Variants in PDZRN4 observed in about 807,000 individuals in gnomAD.
The protein encoded by PDZRN4 is PDZ domain containing ring finger 4, also known as PDZ domain-containing RING finger protein 4.
In PDZRN4, 70 loss-of-function variants were observed where a neutral mutation model predicts 99.0. The ratio of observed to expected loss-of-function variants is 0.71; its 90% CI spans 0.58 to 0.86. The LOEUF is 0.86. PDZRN4 is among the 40% of genes least tolerant of loss of function. PDZRN4 has a pLI of 0.00. For missense variants in PDZRN4, 1,474 were observed against 1,331.2 expected, an observed-to-expected ratio of 1.11 and a Z score of -1.67; for synonymous variants, 551 against 501.6, an observed-to-expected ratio of 1.10 and a Z score of -1.32.
At chr12:41,442,327 T>A (rs754014031) in intron 3 of PDZRN4, among the ~76,000 whole-genome samples, 6 of 152,148 alleles carry the variant, frequency 3.9e-5, no homozygotes, top group Non-Finnish European at 7.4e-5. Context: ...TATTCAAATG[T>A]CTCCTTGTGC....
At chr12:41,553,295 G>C (rs1364977527) in intron 6 of PDZRN4, among the ~76,000 whole-genome samples, 1 of 152,252 alleles carries the variant, frequency 6.6e-6, no homozygotes, top group Non-Finnish European at 1.5e-5. Context: ...GCACAAGTGA[G>C]AGTCTAAAAT....
At chr12:41,385,374 A>C (rs920682701) in intron 3 of PDZRN4, among the ~76,000 whole-genome samples, 1 of 152,190 alleles carries the variant, frequency 6.6e-6, no homozygotes, top group African/African-American at 2.4e-5. Context: ...ACATGCTATT[A>C]GCCTATTTGA....
chr12:41,298,987 A>G (rs1157129280), intron 3 of PDZRN4, among the ~76,000 whole-genome samples: 4 of 151,738 alleles, frequency 2.6e-5, no homozygotes, highest in African/African-American at 9.7e-5. Context: ...CTTGTTTTCT[A>G]ATTCCTATTA....
At chr12:41,192,901 C>T (rs1950744453) in intron 2 of PDZRN4, among the ~76,000 whole-genome samples, 1 of 152,276 alleles carries the variant, frequency 6.6e-6, no homozygotes, top group Non-Finnish European at 1.5e-5. Context: ...CCTGTGTCAA[C>T]TTAATTTTCA....
chr12:41,406,127 A>G (rs1952347368), intron 3 of PDZRN4, among the ~76,000 whole-genome samples: 1 of 152,200 alleles, frequency 6.6e-6, no homozygotes, highest in Non-Finnish European at 1.5e-5. Flanking sequence ...AAAAACATTA[A>G]ATGTATCCAA....
chr12:41,405,446 A>G (rs1244677990), intron 3 of PDZRN4, among the ~76,000 whole-genome samples: 1 of 152,164 alleles, frequency 6.6e-6, no homozygotes, highest in Non-Finnish European at 1.5e-5. Context: ...GTCATAAAGC[A>G]ACAGATGCTG....
At chr12:41,528,177 G>T (rs949647023) in intron 5 of PDZRN4, among the ~76,000 whole-genome samples, 5 of 149,422 alleles carry the variant, frequency 3.3e-5, no homozygotes, top group African/African-American at 1.3e-4. Flanking sequence ...GCCGTTTTTG[G>T]GGGGTTTTTT....
intron 3 of PDZRN4, among the ~76,000 whole-genome samples, chr12:41,328,589 A>T (rs1410484676): frequency 6.6e-6 from 1 of 152,152 alleles, no homozygotes; most frequent in Non-Finnish European, 1.5e-5. Flanking sequence ...AACTTTTTTT[A>T]AAAAACATTG....
intron 5 of PDZRN4, among the ~76,000 whole-genome samples, chr12:41,544,042 C>T (rs1938906914): frequency 1.3e-5 from 2 of 152,202 alleles, no homozygotes; most frequent in Non-Finnish European, 2.9e-5. Context: ...CTACTGTGCA[C>T]TGTATTATCC....
At chr12:41,571,600 A>T (rs1040593992) in intron 9 of PDZRN4, among the ~76,000 whole-genome samples, 16 of 152,138 alleles carry the variant, frequency 1.1e-4, no homozygotes, top group Admixed American at 7.9e-4. Context: ...TACAACCCCA[A>T]TGAGTCCTAA....
At chr12:41,279,245 G>A (rs1323084904) in intron 3 of PDZRN4, among the ~76,000 whole-genome samples, 1 of 152,194 alleles carries the variant, frequency 6.6e-6, no homozygotes, top group Non-Finnish European at 1.5e-5. Context: ...CTAGAGAGAT[G>A]TATAAGATTC....
At chr12:41,218,652 T>C (rs1357039649) in intron 3 of PDZRN4, among the ~76,000 whole-genome samples, 1 of 152,128 alleles carries the variant, frequency 6.6e-6, no homozygotes, top group African/African-American at 2.4e-5. Context: ...TTGTATCTGT[T>C]AAATAAAATA....
chr12:41,189,233 C>T, intron 1 of PDZRN4, 130 bp downstream of exon 1: 1 of 782,174 alleles, frequency 1.3e-6, no homozygotes, highest in East Asian at 3.0e-5. Context: ...AACATCCACA[C>T]CCTGATCATA....
intron 3 of PDZRN4, among the ~76,000 whole-genome samples, chr12:41,262,533 T>C (rs756334124): frequency 2.6e-5 from 4 of 152,318 alleles, no homozygotes; most frequent in African/African-American, 4.8e-5. Flanking sequence ...TCTTATGCAA[T>C]AGCATCAGTA....
At chr12:41,278,186 G>A (rs988456852) in intron 3 of PDZRN4, among the ~76,000 whole-genome samples, 7 of 152,112 alleles carry the variant, frequency 4.6e-5, no homozygotes, top group Non-Finnish European at 8.8e-5. Flanking sequence ...TAATAAGACT[G>A]AAAGAGGAGG....
chr12:41,404,790 C>T (rs1292190614), intron 3 of PDZRN4, among the ~76,000 whole-genome samples: 2 of 149,654 alleles, frequency 1.3e-5, no homozygotes, highest in Admixed American at 1.3e-4. Flanking sequence ...GACACATAGA[C>T]AAATGGAACA....
At chr12:41,537,181 T>C (rs1289743415) in intron 5 of PDZRN4, among the ~76,000 whole-genome samples, 1 of 152,210 alleles carries the variant, frequency 6.6e-6, no homozygotes, top group East Asian at 1.9e-4. Context: ...GTATGATATG[T>C]GTTGAGATAG....
intron 3 of PDZRN4, among the ~76,000 whole-genome samples, chr12:41,423,495 A>C (rs1206472016): frequency 6.6e-6 from 1 of 152,126 alleles, no homozygotes; most frequent in South Asian, 2.1e-4. Context: ...TTATGGCTGC[A>C]TATATCTTTA....
At chr12:41,236,934 G>A (rs1298192559) in intron 3 of PDZRN4, among the ~76,000 whole-genome samples, 1 of 152,052 alleles carries the variant, frequency 6.6e-6, no homozygotes, top group Non-Finnish European at 1.5e-5. Context: ...GGGGGCTCCA[G>A]AGAAGATAGA....
Sources: gnomAD v4.1 joint callset for allele counts (sites outside exome capture counted in the v4.1 genomes callset) on GRCh38, gnomAD v4.1.1 for gene constraint, MANE v1.5 for transcripts, NCBI Gene and HGNC (gene_info 2026-07-23, HGNC 2026-07-21) for gene names.